Variants in ASAP1 observed in about 807,000 individuals in gnomAD.
The protein encoded by ASAP1 is ArfGAP with SH3 domain, ankyrin repeat and PH domain 1.
ASAP1 carries 43 observed loss-of-function variants against 145.2 expected under a neutral mutation model. The observed-to-expected ratio is 0.30, with a 90% CI of 0.23 to 0.38. The LOEUF (loss-of-function observed/expected upper bound fraction) is 0.38. Ranked by LOEUF, ASAP1 falls within the 10% of genes least tolerant of loss-of-function variation. The pLI is 1.00. For synonymous variants in ASAP1, 546 were observed against 515.5 expected, an observed-to-expected ratio of 1.06 and a Z score of -0.80; for missense variants, 1,018 against 1,355.3, an observed-to-expected ratio of 0.75 and a Z score of 3.91.
intron 1 of ASAP1, among the ~76,000 whole-genome samples, chr8:130,415,780 CA>C (rs1194904074): frequency 0.012 from 1,138 of 97,506 alleles, 2 homozygotes; most frequent in South Asian, 0.048. Flanking sequence ...AACTCCATCT[CA>C]AAAAAAAAAA....
intron 12 of ASAP1, among the ~76,000 whole-genome samples, chr8:130,158,905 G>C (rs185628522): frequency 1.4e-3 from 211 of 152,046 alleles, no homozygotes; most frequent in Non-Finnish European, 2.7e-3. Flanking sequence ...CTAATTTTTT[G>C]TATTTTTAGT....
intron 16 of ASAP1, 72 bp from the exon 17 acceptor site, chr8:130,126,161 C>A: frequency 2.2e-6 from 3 of 1,391,420 alleles, no homozygotes; most frequent in Non-Finnish European, 2.9e-6. Flanking sequence ...ACAGAGGAAG[C>A]TAAAACAGTA....
chr8:130,259,454 C>T (rs967460336), intron 3 of ASAP1, among the ~76,000 whole-genome samples: 2 of 152,080 alleles, frequency 1.3e-5, no homozygotes, highest in East Asian at 1.9e-4. Flanking sequence ...CTGAAATCAC[C>T]CTGGATGCAA....
At chr8:130,306,215 T>C (rs992141938) in intron 3 of ASAP1, among the ~76,000 whole-genome samples, 9 of 152,220 alleles carry the variant, frequency 5.9e-5, no homozygotes, top group Admixed American at 5.9e-4. Context: ...AACACCTTGA[T>C]ACTGCAGGCA....
rs185104615 is a variant in ASAP1, at chr8:130,421,378, T to C, written c.-27-19408A>G. ...ACAAGATGTTGAGCCCCATTCACCA[T>C]CTGTGGCAGCACTGCTAGTTCACCA... On this transcript the variant is annotated intron_variant, in intron 1 of 29. Transcript: ENST00000518721. Among the ~76,000 whole-genome samples the C allele has an allele frequency of 1.6e-4, 25 of 152,322 alleles. No homozygotes were observed. The East Asian group carries it at 4.6e-3, about 28-fold the overall frequency.
chr8:130,110,922 C>T (rs1486534997), intron 24 of ASAP1, among the ~76,000 whole-genome samples: 2 of 152,102 alleles, frequency 1.3e-5, no homozygotes, highest in Non-Finnish European at 2.9e-5. Context: ...ACAGGGAGAA[C>T]CCTGCATTTG....
intron 18 of ASAP1, among the ~76,000 whole-genome samples, chr8:130,123,224 C>T (rs1245793523): frequency 6.6e-6 from 1 of 152,132 alleles, no homozygotes; most frequent in Non-Finnish European, 1.5e-5. Flanking sequence ...AGGGTAAGTA[C>T]ATTTATAATT....
intron 1 of ASAP1, among the ~76,000 whole-genome samples, chr8:130,409,934 G>C (rs1829192982): frequency 6.6e-6 from 1 of 152,212 alleles, no homozygotes; most frequent in African/African-American, 2.4e-5. Flanking sequence ...TGCCCATAGA[G>C]AGCTCACAGT....
intron 15 of ASAP1, among the ~76,000 whole-genome samples, chr8:130,133,692 A>C (rs147710896): frequency 1.7e-3 from 207 of 122,548 alleles, no homozygotes; most frequent in East Asian, 5.5e-3. Flanking sequence ...AACAAACAAA[A>C]AAAAAAACAA....
At chr8:130,295,796 A>G (rs1017754493) in intron 3 of ASAP1, among the ~76,000 whole-genome samples, 3 of 152,170 alleles carry the variant, frequency 2.0e-5, no homozygotes, top group Non-Finnish European at 4.4e-5. Context: ...TTTCCTATCA[A>G]TCCCTAACTA....
At position 130,329,202 on chromosome 8, in the gene ASAP1, C is replaced by T. The variant is rs142401497; in HGVS notation, c.186+28815G>A. On this transcript the variant is annotated intron_variant, in intron 3 of 29. Coordinates refer to ENST00000518721, the MANE Select transcript of ASAP1 (RefSeq NM_018482.4). ...GCTGCCTCATCTCTGAGTGACACAG[C>T]GGTTCACTAAGCCACTTAACTAAAT... Among the ~76,000 whole-genome samples the T allele has an allele frequency of 1.2e-4, 18 of 152,290 alleles. No individual in the cohort carries two copies. The East Asian group carries it at 1.7e-3, about 15-fold the overall frequency.
intron 5 of ASAP1, among the ~76,000 whole-genome samples, chr8:130,205,609 T>A (rs974261413): frequency 4.0e-5 from 6 of 149,486 alleles, no homozygotes; most frequent in African/African-American, 1.2e-4. Flanking sequence ...TTTTTTTTTT[T>A]AGCTTAAACT....
At chr8:130,296,196 C>G (rs1404825799) in intron 3 of ASAP1, among the ~76,000 whole-genome samples, 1 of 152,196 alleles carries the variant, frequency 6.6e-6, no homozygotes, top group Non-Finnish European at 1.5e-5. Flanking sequence ...AGGGTACTAG[C>G]TTCTGAAAGG....
At position 130,211,967 on chromosome 8, in the gene ASAP1, C is replaced by T. The variant is rs1015397806; in HGVS notation, c.405+2589G>A. 2.6e-5 allele frequency among the ~76,000 whole-genome samples: 4 copies of T among 152,292 alleles called. No homozygotes were observed. In the East Asian group the frequency reaches 5.8e-4, roughly 22 times the overall value. On this transcript the variant is annotated intron_variant, in intron 5 of 29. Coordinates refer to ENST00000518721, the MANE Select transcript of ASAP1 (RefSeq NM_018482.4). ...CTGAGCCCCAGGAGGGTGTTGAGTG[C>T]TGCTCAGCTGGGGGCTGCAGGTGCT...
At chr8:130,315,280 C>T (rs1823598967) in intron 3 of ASAP1, among the ~76,000 whole-genome samples, 1 of 152,086 alleles carries the variant, frequency 6.6e-6, no homozygotes, top group African/African-American at 2.4e-5. Context: ...TCTATGAATA[C>T]TCCACAAACT....
chr8:130,380,108 C>G (rs1255034778), intron 2 of ASAP1, among the ~76,000 whole-genome samples: 1 of 152,164 alleles, frequency 6.6e-6, no homozygotes, highest in Non-Finnish European at 1.5e-5. Context: ...AGGTTGGGTT[C>G]CCCCAGAAGC....
chr8:130,270,764 C>A (rs1820537442), intron 3 of ASAP1, among the ~76,000 whole-genome samples: 1 of 152,206 alleles, frequency 6.6e-6, no homozygotes, highest in African/African-American at 2.4e-5. Context: ...TGGGAAAAAA[C>A]AGTCCTTAGA....
At position 130,057,929 on chromosome 8, in the gene ASAP1, G is replaced by A. The variant is rs750790999; in HGVS notation, c.3315+25C>T. 37 of 1,612,484 alleles carry A rather than the reference G, an allele frequency of 2.3e-5. No individual in the cohort carries two copies. The South Asian group carries it at 3.8e-4, about 17-fold the overall frequency. ...AGGCATGCTGTATGAATGTACGGAT[G>A]AAGTGGATGGATATTCGTACGTACC... On this transcript the variant is annotated intron_variant, in intron 29 of 29. Transcript: ENST00000518721.
chr8:130,298,370 G>A (rs146640259), intron 3 of ASAP1, among the ~76,000 whole-genome samples: 10 of 152,262 alleles, frequency 6.6e-5, no homozygotes, highest in African/African-American at 2.4e-4. Flanking sequence ...AATCACTCCT[G>A]CCCTGAGACA....
Sources: gnomAD v4.1 joint callset for allele counts (sites outside exome capture counted in the v4.1 genomes callset) on GRCh38, gnomAD v4.1.1 for gene constraint, MANE v1.5 for transcripts, NCBI Gene and HGNC (gene_info 2026-07-23, HGNC 2026-07-21) for gene names.